DCDC2: variants seen among roughly 807,000 people sequenced by gnomAD.
DCDC2 encodes doublecortin domain containing 2.
DCDC2 carries 40 observed loss-of-function variants against 50.2 expected under a neutral mutation model. The observed-to-expected ratio is 0.80, with a 90% CI of 0.62 to 1.04. The LOEUF is 1.04. DCDC2 is among the 50% of genes least tolerant of loss of function. DCDC2 has a pLI of 0.00. For missense variants in DCDC2, 570 were observed against 581.9 expected (o/e 0.98, Z 0.21); for synonymous variants, 234 against 210.6 (o/e 1.11, Z -0.96).
intron 2 of DCDC2, among the ~76,000 whole-genome samples, chr6:24,306,068 A>G (rs61302362): frequency 0.032 from 4,818 of 152,102 alleles, 217 homozygotes; most frequent in African/African-American, 0.11. Flanking sequence ...GCTACTTGAA[A>G]TATGAGGGTA....
chr6:24,267,175 G>A (rs1419692692), intron 7 of DCDC2, among the ~76,000 whole-genome samples: 1 of 152,156 alleles, frequency 6.6e-6, no homozygotes, highest in African/African-American at 2.4e-5. Context: ...GTGAGGGTGA[G>A]GAGTGGAGAT....
In DCDC2 at chr6:24,277,497, T is replaced by G. The variant is rs576264021; in HGVS notation, c.922+552A>C. On this transcript the variant is annotated intron_variant, in intron 7 of 9. Coordinates refer to ENST00000378454, the MANE Select transcript of DCDC2 (RefSeq NM_016356.5). ...ACTTTTATCTCATACCAGTGAAATC[T>G]TGGACTAATGCAATTTTTTATTTTT... Among the ~76,000 whole-genome samples the G allele has an allele frequency of 5.3e-5, 8 of 152,348 alleles. No homozygotes were observed. The South Asian group carries it at 1.7e-3, about 32-fold the overall frequency.
At chr6:24,196,613 G>A (rs1352889552) in intron 8 of DCDC2, among the ~76,000 whole-genome samples, 1 of 152,074 alleles carries the variant, frequency 6.6e-6, no homozygotes. Flanking sequence ...GTAGAGACCA[G>A]GTTTCACCGT....
intron 2 of DCDC2, among the ~76,000 whole-genome samples, chr6:24,328,077 T>G (rs1253592643): frequency 6.6e-6 from 1 of 152,232 alleles, no homozygotes; most frequent in Non-Finnish European, 1.5e-5. Context: ...CAAGAAGAGT[T>G]TCTGTGTCCG....
At chr6:24,353,669 TAA>T (rs752809463) in intron 1 of DCDC2, 46 bp from the exon 2 acceptor site, 15 of 1,161,896 alleles carry the variant, frequency 1.3e-5, no homozygotes, top group Non-Finnish European at 1.8e-5. Context: ...TTATAGACTT[TAA>T]GTCAGTAATT....
intron 7 of DCDC2, among the ~76,000 whole-genome samples, chr6:24,220,574 T>C (rs979687196): frequency 3.3e-5 from 5 of 152,228 alleles, no homozygotes; most frequent in African/African-American, 9.6e-5. Context: ...ACAAAATTTT[T>C]ATTTCATGAA....
intron 7 of DCDC2, among the ~76,000 whole-genome samples, chr6:24,230,417 G>C (rs1762316353): frequency 6.6e-6 from 1 of 152,110 alleles, no homozygotes; most frequent in South Asian, 2.1e-4. Flanking sequence ...TGAGGTGGGT[G>C]AATCACTTGA....
Position 24,357,441 on chromosome 6 carries a change from G to A in DCDC2, c.293+17C>T, listed in dbSNP as rs1160091852. 3 of 1,583,110 alleles carry A rather than the reference G, an allele frequency of 1.9e-6. No homozygotes were observed. The East Asian group carries it at 6.7e-5, about 36-fold the overall frequency. ...TAGGGCACCTAAATGGGTGGGCGGT[G>A]GGGGAGACCGACTCACTTGAGTTTC... On this transcript the variant is annotated intron_variant, in intron 1 of 9. Coordinates refer to ENST00000378454, the MANE Select transcript of DCDC2 (RefSeq NM_016356.5).
At chr6:24,200,049 G>A (rs567509719) in intron 8 of DCDC2, among the ~76,000 whole-genome samples, 1 of 152,316 alleles carries the variant, frequency 6.6e-6, no homozygotes, top group East Asian at 1.9e-4. Context: ...GTCCCTAAAA[G>A]TGATAGGGAG....
chr6:24,173,609 G>A lies in DCDC2; in HGVS notation c.*1121C>T, dbSNP rs1760834532. ...AGTCAGTCCATGAAGTTGTGATTCA[G>A]GAATTGGTTTCATTATAATAACTTC... On this transcript the variant is annotated 3_prime_UTR_variant, in exon 10 of 10. Transcript: ENST00000378454. The A allele has an allele frequency of 6.6e-6, 1 of 152,090 alleles. No homozygotes were observed. The highest frequency in any genetic ancestry group is 1.5e-5 in the Non-Finnish European group (1 of 68,002). The allele number at this position is 152,090 out of a possible 1,614,324, so 9.4% of individuals were successfully genotyped here. A position where few individuals can be genotyped will look rare whatever the true frequency, so the allele number is the denominator to read the frequency against.
chr6:24,350,113 G>A (rs1760340512), intron 2 of DCDC2, among the ~76,000 whole-genome samples: 1 of 152,072 alleles, frequency 6.6e-6, no homozygotes, highest in Non-Finnish European at 1.5e-5. Flanking sequence ...AGAGGAAGAG[G>A]AATAGCATTG....
rs1382576882 is a variant in DCDC2 at position 24,302,015 on chromosome 6, G to A, written c.378C>T (p.Asn126=). ...EVKPVIHSRI[N]VSARFRKPLQ... ...GCGGTTTTCTAAAGCGAGCTGACAC[G>A]TTGATCCTGCTATGGATTACTGGTT... The change falls in exon 3 of 10, where the codon AAC becomes AAT. Residue 126 remains asparagine, a synonymous_variant. Transcript: ENST00000378454. 4.3e-6 allele frequency: 7 copies of A among 1,613,894 alleles called. No individual in the cohort carries two copies. Among genetic ancestry groups the A allele is most frequent in the African/African-American group, 1.3e-5 (1 of 74,890 alleles).
chr6:24,188,191 T>C (rs969766446), intron 8 of DCDC2, among the ~76,000 whole-genome samples: 1 of 152,198 alleles, frequency 6.6e-6, no homozygotes, highest in Admixed American at 6.5e-5. Flanking sequence ...CCTGTGATGC[T>C]GACAATGCTG....
At chr6:24,268,155 T>C (rs1294093833) in intron 7 of DCDC2, among the ~76,000 whole-genome samples, 2 of 152,176 alleles carry the variant, frequency 1.3e-5, no homozygotes, top group Non-Finnish European at 2.9e-5. Context: ...AAATTTGTAG[T>C]TGAACATGAA....
At chr6:24,213,551 G>T (rs1483705317) in intron 7 of DCDC2, among the ~76,000 whole-genome samples, 1 of 152,094 alleles carries the variant, frequency 6.6e-6, no homozygotes, top group African/African-American at 2.4e-5. Context: ...TGGTAAGAAG[G>T]TGATATAAAA....
At chr6:24,213,243 T>G (rs866518488) in intron 7 of DCDC2, among the ~76,000 whole-genome samples, 2 of 152,162 alleles carry the variant, frequency 1.3e-5, no homozygotes, top group Admixed American at 1.3e-4. Flanking sequence ...TAATGTCCAG[T>G]TCTAAATACT....
intron 2 of DCDC2, among the ~76,000 whole-genome samples, chr6:24,343,992 T>C (rs969734157): frequency 6.6e-6 from 1 of 152,180 alleles, no homozygotes; most frequent in African/African-American, 2.4e-5. Flanking sequence ...TAAAAACTCA[T>C]TTAGCAATTT....
intron 7 of DCDC2, among the ~76,000 whole-genome samples, chr6:24,249,225 T>C (rs1762747644): frequency 6.6e-6 from 1 of 152,170 alleles, no homozygotes; most frequent in South Asian, 2.1e-4. Context: ...AGCTGATTGT[T>C]TTTAATACTT....
chr6:24,285,678 T>A (rs1052523271), intron 6 of DCDC2, among the ~76,000 whole-genome samples: 2 of 152,218 alleles, frequency 1.3e-5, no homozygotes, highest in Non-Finnish European at 2.9e-5. Flanking sequence ...AAAAATTGCA[T>A]GTGTGTACCT....
Sources: allele counts gnomAD v4.1 joint callset (sites outside exome capture counted in the v4.1 genomes callset), GRCh38; gene constraint gnomAD v4.1.1; transcripts MANE v1.5; gene names NCBI Gene and HGNC (gene_info 2026-07-23, HGNC 2026-07-21).